Variants in KATNAL2 observed in about 807,000 individuals in gnomAD.
KATNAL2 encodes katanin p60 ATPase-containing subunit A-like 2.
KATNAL2 carries 52 observed loss-of-function variants against 76.3 expected under a neutral mutation model. That is an observed-to-expected ratio of 0.68 (90% CI 0.55 to 0.86). The LOEUF is 0.86. Among genes scored for constraint, KATNAL2 ranks in the 40% least tolerant of loss-of-function variants. The pLI is 0.00. For synonymous variants in KATNAL2, 243 were observed against 244.2 expected (o/e 1.00, Z 0.05); for missense variants, 660 against 668.9 (o/e 0.99, Z 0.15).
chr18:47,074,177 G>A (rs941666469), intron 13 of KATNAL2, among the ~76,000 whole-genome samples: 21 of 152,172 alleles, frequency 1.4e-4, no homozygotes, highest in African/African-American at 4.8e-4. Context: ...CATTGCCATT[G>A]TTCTCTCAGT....
chr18:47,056,876 C>T (rs1470532608), intron 6 of KATNAL2, among the ~76,000 whole-genome samples: 1 of 152,002 alleles, frequency 6.6e-6, no homozygotes, highest in Admixed American at 6.6e-5. Flanking sequence ...TCTCTTGAGT[C>T]AACACTATTA....
intron 5 of KATNAL2, among the ~76,000 whole-genome samples, chr18:47,053,616 T>A (rs1268660178): frequency 1.3e-5 from 2 of 152,212 alleles, no homozygotes; most frequent in Non-Finnish European, 1.5e-5. Flanking sequence ...CTGAGAAGTC[T>A]GTAAGTGGGG....
At chr18:47,059,251 A>T (rs1643133848) in intron 7 of KATNAL2, among the ~76,000 whole-genome samples, 3 of 152,164 alleles carry the variant, frequency 2.0e-5, no homozygotes, top group Admixed American at 2.0e-4. Context: ...ATCACAGGAG[A>T]AAAGACGAGC....
chr18:47,046,321 G>T, intron 3 of KATNAL2, 136 bp from the exon 4 acceptor site: 1 of 639,512 alleles, frequency 1.6e-6, no homozygotes, highest in South Asian at 1.9e-5. Flanking sequence ...TATGTCCTTA[G>T]AGACTTCAAA....
chr18:47,090,781 T>C (rs962989401), intron 15 of KATNAL2, among the ~76,000 whole-genome samples: 7 of 152,014 alleles, frequency 4.6e-5, no homozygotes, highest in African/African-American at 1.7e-4. Context: ...TGGCAAAAAG[T>C]GGATTCTGAG....
At chr18:47,034,302 G>C (rs773529308) in intron 3 of KATNAL2, 6 of 1,613,258 alleles carry the variant, frequency 3.7e-6, no homozygotes, top group Non-Finnish European at 5.1e-6. Context: ...GGTCCCGGCC[G>C]TCTAGACTGG....
chr18:47,066,996 A>G, intron 10 of KATNAL2, 25 bp from the exon 11 acceptor site: 1 of 1,434,964 alleles, frequency 7.0e-7, no homozygotes, highest in African/African-American at 1.4e-5. Context: ...TCAGTTTTAA[A>G]AAAATGATCA....
Position 46,946,251 on chromosome 18 carries a change from GT to G in KATNAL2, c.-310del. The stretch of plus-strand genomic sequence containing the variant: ...ATAGAGCAGAGGAAAACACGTCCAT[GT>G]TTTTCCACGTCTAATGAGAACAGGT... On this transcript the variant is annotated 5_prime_UTR_variant, in exon 2 of 18. The change creates a premature stop within an existing upstream ORF in the 5' untranslated region. Transcript: ENST00000683218. 6.3e-6 allele frequency: 7 copies of G among 1,109,784 alleles called. No individual in the cohort carries two copies. The highest frequency in any genetic ancestry group is 2.2e-5 in the South Asian group (1 of 44,522). The allele number at this position is 1,109,784 out of a possible 1,614,324, so 68.7% of individuals were successfully genotyped here. A position where few individuals can be genotyped will look rare whatever the true frequency, so the allele number is the denominator to read the frequency against.
At chr18:46,954,815 C>T (rs369812957) in intron 3 of KATNAL2, among the ~76,000 whole-genome samples, 40 of 151,486 alleles carry the variant, frequency 2.6e-4, no homozygotes, top group South Asian at 6.3e-4. Context: ...GGCTAATTTT[C>T]GTATTTTATT....
chr18:47,068,750 T>C (rs575496262), intron 11 of KATNAL2, among the ~76,000 whole-genome samples: 1 of 152,348 alleles, frequency 6.6e-6, no homozygotes, highest in East Asian at 1.9e-4. Context: ...CGTTTGCCCC[T>C]GAATATTCCC....
intron 16 of KATNAL2, 73 bp downstream of exon 16, chr18:47,099,478 C>A: frequency 7.2e-7 from 1 of 1,398,412 alleles, no homozygotes; most frequent in Non-Finnish European, 9.6e-7. Flanking sequence ...CCAGGTCTTA[C>A]CATGAGCTGA....
At chr18:47,040,884 G>T (rs1367716507) in intron 3 of KATNAL2, among the ~76,000 whole-genome samples, 1 of 152,168 alleles carries the variant, frequency 6.6e-6, no homozygotes, top group Non-Finnish European at 1.5e-5. Context: ...CAGCTTGGGG[G>T]AAGACTGTGG....
At chr18:47,032,731 T>A in intron 3 of KATNAL2, 1 of 576,408 alleles carries the variant, frequency 1.7e-6, no homozygotes, top group Non-Finnish European at 3.0e-6. Flanking sequence ...ACTAGGGTGT[T>A]TTTAAAAATT....
At chr18:47,031,572 C>A (rs2060447343) in intron 3 of KATNAL2, among the ~76,000 whole-genome samples, 2 of 152,062 alleles carry the variant, frequency 1.3e-5, no homozygotes, top group South Asian at 4.2e-4. Flanking sequence ...GGTAAATTTG[C>A]TGTGTTTCCA....
At chr18:46,965,581 G>GCCCCCCCCCCCCCCCCCCCCCCCCC (rs2510018) in intron 3 of KATNAL2, among the ~76,000 whole-genome samples, 2 of 73,874 alleles carry the variant, frequency 2.7e-5, no homozygotes, top group African/African-American at 1.1e-4. Context: ...TAGCATCCCC[G>GCCCCCCCCCCCCCCCCCCCCCCCCC]CCCCCCCCCC....
chr18:46,922,631 C>T (rs1164618097), intron 1 of KATNAL2, among the ~76,000 whole-genome samples: 2 of 151,680 alleles, frequency 1.3e-5, no homozygotes, highest in East Asian at 3.9e-4. Flanking sequence ...TCATGTCTAT[C>T]CGCTAAAGAA....
chr18:47,066,877 AT>A (rs2061823357), intron 10 of KATNAL2, 143 bp from the exon 11 acceptor site: 1 of 98,850 alleles, frequency 1.0e-5, no homozygotes, highest in African/African-American at 3.8e-5. Flanking sequence ...ATATATATAT[AT>A]ATATATATAT....
intron 14 of KATNAL2, chr18:47,076,199 T>C (rs1054751178): frequency 2.0e-5 from 3 of 152,210 alleles, no homozygotes; most frequent in African/African-American, 7.2e-5. Flanking sequence ...GTTGGAAGTA[T>C]AACTATAATA....
At chr18:46,936,271 G>A (rs927326065) in intron 1 of KATNAL2, among the ~76,000 whole-genome samples, 3 of 152,074 alleles carry the variant, frequency 2.0e-5, no homozygotes, top group South Asian at 2.1e-4. Context: ...TCAAGTGCAC[G>A]TGGATTATTT....
Sources: allele counts gnomAD v4.1 joint callset (sites outside exome capture counted in the v4.1 genomes callset), GRCh38; gene constraint gnomAD v4.1.1; transcripts MANE v1.5; gene names NCBI Gene and HGNC (gene_info 2026-07-23, HGNC 2026-07-21).